The following ADAMTSL3 variants were observed in gnomAD, a reference collection of about 807,000 sequenced individuals.
ADAMTSL3 encodes the protein ADAMTS-like protein 3.
In ADAMTSL3, 128 loss-of-function variants were observed where a neutral mutation model predicts 201.7. The observed-to-expected ratio is 0.63, with a 90% CI of 0.55 to 0.73. The LOEUF is 0.73. Among genes scored for constraint, ADAMTSL3 ranks in the 30% least tolerant of loss-of-function variants. The pLI, the probability that ADAMTSL3 is intolerant of heterozygous loss-of-function variation, is 0.00. For missense variants in ADAMTSL3, 1,990 were observed against 2,119.6 expected (o/e 0.94, Z 1.20); for synonymous variants, 738 against 748.4 (o/e 0.99, Z 0.23).
chr15:83,967,137 C>CT (rs1218071199), intron 19 of ADAMTSL3, among the ~76,000 whole-genome samples: 1 of 152,188 alleles, frequency 6.6e-6, no homozygotes, highest in African/African-American at 2.4e-5. Flanking sequence ...GATGCCCTCT[C>CT]TCACCACTCT....
At chr15:84,011,543 T>C (rs2068006176) in intron 23 of ADAMTSL3, among the ~76,000 whole-genome samples, 1 of 152,176 alleles carries the variant, frequency 6.6e-6, no homozygotes, top group Admixed American at 6.5e-5. Context: ...GACACAAATA[T>C]TCAGTCTAAC....
intron 3 of ADAMTSL3, among the ~76,000 whole-genome samples, chr15:83,714,876 CCCTTCCTTCCTTCCTTCCTTCCTT>C (rs1191969866): frequency 9.1e-5 from 2 of 22,076 alleles, no homozygotes; most frequent in Non-Finnish European, 1.3e-4. Context: ...CTCCCTCCCT[CCCTTCCTTCCTTCCTTCCTTCCTT>C]CCTTCCTTCC....
At chr15:83,969,335 T>G (rs950818013) in intron 19 of ADAMTSL3, among the ~76,000 whole-genome samples, 2 of 152,112 alleles carry the variant, frequency 1.3e-5, no homozygotes, top group South Asian at 2.1e-4. Flanking sequence ...TCCCAGCTAC[T>G]TGGGAGGCTG....
Position 83,872,682 on chromosome 15 carries a change from C to CTTTCTCAGG in ADAMTSL3, c.960+1723_960+1724insTTTCTCAGG, listed in dbSNP as rs1555455106. Among the ~76,000 whole-genome samples the CTTTCTCAGG allele has an allele frequency of 7.8e-3, 1,140 of 145,386 alleles. 20 individuals are homozygous for CTTTCTCAGG. Among genetic ancestry groups the CTTTCTCAGG allele is most frequent in the East Asian group, 0.02 (89 of 4,464 alleles). The stretch of plus-strand genomic sequence containing the variant: ...CAGAGAATCTGTATTCTTCTCAAGT[C>CTTTCTCAGG]AACTTGGAGGTCCTTGACTGAATAG... On this transcript the variant is annotated intron_variant, in intron 9 of 29. Transcript: ENST00000286744.
chr15:83,931,797 G>T (rs766810742), intron 17 of ADAMTSL3, among the ~76,000 whole-genome samples: 7 of 152,172 alleles, frequency 4.6e-5, no homozygotes, highest in Non-Finnish European at 8.8e-5. Context: ...GGAGCTTGAG[G>T]TCCCAAAGCA....
intron 3 of ADAMTSL3, among the ~76,000 whole-genome samples, chr15:83,714,819 T>C (rs2061985266): frequency 1.5e-5 from 2 of 136,964 alleles, no homozygotes; most frequent in African/African-American, 2.6e-5. Flanking sequence ...TCTTTCTTTC[T>C]TTCCTTCTCT....
chr15:83,966,425 T>C (rs941793512), intron 19 of ADAMTSL3, among the ~76,000 whole-genome samples: 2 of 152,298 alleles, frequency 1.3e-5, no homozygotes, highest in African/African-American at 4.8e-5. Flanking sequence ...CTAGAAAATT[T>C]AGAAGAAATG....
intron 6 of ADAMTSL3, among the ~76,000 whole-genome samples, chr15:83,822,881 C>T (rs2063914204): frequency 6.6e-6 from 1 of 151,964 alleles, no homozygotes; most frequent in Non-Finnish European, 1.5e-5. Context: ...CGAGATCACG[C>T]CACTGCACTC....
chr15:83,962,978 A>G (rs1039248284), intron 19 of ADAMTSL3, among the ~76,000 whole-genome samples: 15 of 152,188 alleles, frequency 9.9e-5, no homozygotes, highest in Admixed American at 9.2e-4. Context: ...GAATGGTGCA[A>G]TCTAGCCCAG....
At chr15:83,822,330 CGGGCGG>C (rs2063894170) in intron 6 of ADAMTSL3, among the ~76,000 whole-genome samples, 1 of 130,672 alleles carries the variant, frequency 7.7e-6, no homozygotes, top group Admixed American at 7.4e-5. Context: ...GGGCGGCTGC[CGGGCGG>C]AGGGGCTCCT....
chr15:83,692,239 C>T (rs2061618776), intron 2 of ADAMTSL3, among the ~76,000 whole-genome samples: 1 of 151,552 alleles, frequency 6.6e-6, no homozygotes, highest in African/African-American at 2.4e-5. Flanking sequence ...ATAAAAACAT[C>T]ACCTTTTGTT....
rs569335125 is a variant in ADAMTSL3 at position 83,900,552 on chromosome 15, G to A, written c.1700+821G>A. 2.6e-5 allele frequency among the ~76,000 whole-genome samples: 4 copies of A among 152,336 alleles called. No homozygotes were observed. In the East Asian group the frequency reaches 7.7e-4, roughly 29 times the overall value. On this transcript the variant is annotated intron_variant, in intron 15 of 29. Transcript: ENST00000286744. ...ATGTCAAACATGTTAAGTGTTTGGT[G>A]CTGACAGGCTGTCTATGAAGAGAGC...
rs567895004 is a variant in ADAMTSL3 at position 83,991,432 on chromosome 15, C to T, written c.3973+218C>T. Among the ~76,000 whole-genome samples the T allele has an allele frequency of 4.9e-4, 75 of 152,230 alleles. 1 individual carries two copies. The highest frequency in any genetic ancestry group is 9.4e-4 in the Non-Finnish European group (64 of 68,048). ...ATGTATAAAACAGAATGCCAAGTTA[C>T]TTGTTTCCAGTGTGGACTGTGACTG... On this transcript the variant is annotated intron_variant, in intron 23 of 29. Coordinates refer to ENST00000286744, the MANE Select transcript of ADAMTSL3 (RefSeq NM_207517.3).
intron 4 of ADAMTSL3, among the ~76,000 whole-genome samples, chr15:83,783,837 C>CTGTGTGTGTGTG (rs59071955): frequency 0.017 from 2,495 of 148,728 alleles, 33 homozygotes; most frequent in Admixed American, 0.035. Flanking sequence ...CATATATACT[C>CTGTGTGTGTGTG]TGTGTGTGTG....
In ADAMTSL3 at chr15:83,810,665, A is replaced by G. The variant is rs184041731; in HGVS notation, c.363+5970A>G. ...TTTTCCCAGCTTCTAGAGGCCACCC[A>G]TATTCCTTGGCTTGTGATTCCTTCT... On this transcript the variant is annotated intron_variant, in intron 5 of 29. Transcript: ENST00000286744. 1.2e-3 allele frequency among the ~76,000 whole-genome samples: 183 copies of G among 152,332 alleles called. 3 individuals carry two copies. The highest frequency in any genetic ancestry group is 0.011 in the Admixed American group (167 of 15,296).
At chr15:83,846,878 A>G (rs565895319) in intron 7 of ADAMTSL3, among the ~76,000 whole-genome samples, 1 of 152,236 alleles carries the variant, frequency 6.6e-6, no homozygotes, top group African/African-American at 2.4e-5. Flanking sequence ...GCTCGAGAAC[A>G]TCTGGACAGA....
At chr15:83,921,934 C>G (rs1001404037) in intron 16 of ADAMTSL3, among the ~76,000 whole-genome samples, 2 of 151,794 alleles carry the variant, frequency 1.3e-5, no homozygotes, top group African/African-American at 2.4e-5. Context: ...AAAAAAGGCA[C>G]TTTCATGATA....
chr15:83,826,615 C>T lies in ADAMTSL3; in HGVS notation c.600+6568C>T, dbSNP rs183038267. Among the ~76,000 whole-genome samples the T allele has an allele frequency of 4.4e-3, 672 of 151,342 alleles. 4 individuals are homozygous for T. The highest frequency in any genetic ancestry group is 0.015 in the African/African-American group (630 of 41,246). On this transcript the variant is annotated intron_variant, in intron 6 of 29. Coordinates refer to ENST00000286744, the MANE Select transcript of ADAMTSL3 (RefSeq NM_207517.3). The stretch of plus-strand genomic sequence containing the variant: ...CATGTTGGAATGCTGCACCCATTAA[C>T]TCGTCATTTACATTAGGTATATCTC...
rs532165930 is a variant in ADAMTSL3, at chr15:83,820,114, CCCTTTT to C, written c.600+69_600+74del. The C allele has an allele frequency of 5.1e-5, 69 of 1,350,792 alleles. No homozygotes were observed. In the East Asian group the frequency reaches 5.8e-4, roughly 11 times the overall value. The allele number at this position is 1,350,792 out of a possible 1,614,324, so 83.7% of individuals were successfully genotyped here. ...CCACGCCTACTGTCAATAAACAGAA[CCCTTTT>C]CTTCTGTATTTTTGTTCATGCAGAT... On this transcript the variant is annotated intron_variant, in intron 6 of 29. Transcript: ENST00000286744.
Sources: allele counts gnomAD v4.1 joint callset (sites outside exome capture counted in the v4.1 genomes callset), GRCh38; gene constraint gnomAD v4.1.1; transcripts MANE v1.5; gene names NCBI Gene and HGNC (gene_info 2026-07-23, HGNC 2026-07-21).